Variants in RNF217 observed in about 807,000 individuals in gnomAD.
The protein encoded by RNF217 is E3 ubiquitin-protein ligase RNF217.
Under a neutral mutation model 57.8 loss-of-function variants are expected in RNF217, and 31 were observed. That is an observed-to-expected ratio of 0.54 (90% CI 0.40 to 0.72). RNF217 has a LOEUF of 0.72. Among genes scored for constraint, RNF217 ranks in the 30% least tolerant of loss-of-function variants. RNF217 has a pLI of 0.00. For synonymous variants in RNF217, 313 were observed against 294.0 expected (o/e 1.06, Z -0.66); for missense variants, 696 against 708.3 (o/e 0.98, Z 0.20).
chr6:125,074,532 C>T (rs1401198839), intron 3 of RNF217, among the ~76,000 whole-genome samples: 1 of 152,114 alleles, frequency 6.6e-6, no homozygotes, highest in African/African-American at 2.4e-5. Flanking sequence ...AAATACTGCA[C>T]ATAATTTGGA....
In RNF217 at chr6:125,085,194, A is replaced by G. The variant is rs901004663; in HGVS notation, c.*2257A>G. 5.9e-5 allele frequency: 9 copies of G among 151,910 alleles called. No homozygotes were observed. Among genetic ancestry groups the G allele is most frequent in the African/African-American group, 1.9e-4 (8 of 41,430 alleles). The allele number at this position is 151,910 out of a possible 1,614,324, so 9.4% of individuals were successfully genotyped here. A position where few individuals can be genotyped will look rare whatever the true frequency, so the allele number is the denominator to read the frequency against. On this transcript the variant is annotated 3_prime_UTR_variant, in exon 6 of 6. Transcript: ENST00000521654. ...TACTCAGGGATTTTTATTTCTTTAAATAACTTATCTTTTGGACATATTTTT... is the reference window on the plus strand; with the variant it reads ...TACTCAGGGATTTTTATTTCTTTAAGTAACTTATCTTTTGGACATATTTTT...
chr6:125,049,340 C>T (rs1049261505), intron 2 of RNF217, among the ~76,000 whole-genome samples: 2 of 152,022 alleles, frequency 1.3e-5, no homozygotes, highest in Non-Finnish European at 2.9e-5. Flanking sequence ...TAACTGGTCT[C>T]TGGGAGTCCA....
At chr6:125,048,210 G>A (rs948970734) in intron 2 of RNF217, 1 of 1,355,582 alleles carries the variant, frequency 7.4e-7, no homozygotes. Flanking sequence ...CATGGCCACA[G>A]TATGGCACCC....
chr6:125,007,791 G>A (rs1354151714), intron 1 of RNF217, among the ~76,000 whole-genome samples: 1 of 152,028 alleles, frequency 6.6e-6, no homozygotes, highest in African/African-American at 2.4e-5. Context: ...TATGTAGGGG[G>A]CATACATTCC....
At position 125,042,803 on chromosome 6, in the gene RNF217, T is replaced by G. The variant is rs546367376; in HGVS notation, c.883-2408T>G. ...GGCCTTTCCTGAGTGGCTGTGAAAT[T>G]GCTGCTTCCATTGCTATCATTTACA... On this transcript the variant is annotated intron_variant, in intron 1 of 5. Transcript: ENST00000521654. Among the ~76,000 whole-genome samples the G allele has an allele frequency of 2.6e-5, 4 of 152,114 alleles. No homozygotes were observed. In the East Asian group the frequency reaches 5.8e-4, roughly 22 times the overall value.
At chr6:125,000,940 A>G (rs1017101176) in intron 1 of RNF217, among the ~76,000 whole-genome samples, 1 of 152,130 alleles carries the variant, frequency 6.6e-6, no homozygotes, top group Non-Finnish European at 1.5e-5. Flanking sequence ...AAAAGTATGG[A>G]AGTATGATGT....
At position 124,985,099 on chromosome 6, in the gene RNF217, A is replaced by G. The variant is rs1250691794; in HGVS notation, c.882+21673A>G. Among the ~76,000 whole-genome samples, 3 of 152,214 alleles carry G rather than the reference A, an allele frequency of 2.0e-5. No homozygotes were observed. In the East Asian group the frequency reaches 5.8e-4, roughly 29 times the overall value. ...GATCCATACTAATAGGATAATTTAA[A>G]TCAGCAAAACCAGATAGTGTCTCAC... On this transcript the variant is annotated intron_variant, in intron 1 of 5. Coordinates refer to ENST00000521654, the MANE Select transcript of RNF217 (RefSeq NM_001286398.3).
At chr6:125,067,786 C>A (rs1787990030) in intron 3 of RNF217, among the ~76,000 whole-genome samples, 1 of 152,006 alleles carries the variant, frequency 6.6e-6, no homozygotes, top group African/African-American at 2.4e-5. Context: ...AAAGATCTAC[C>A]TTTGTTGGAA....
intron 1 of RNF217, among the ~76,000 whole-genome samples, chr6:125,037,244 T>C (rs1345454626): frequency 1.3e-5 from 2 of 152,186 alleles, no homozygotes; most frequent in Non-Finnish European, 2.9e-5. Context: ...GAAAAAGTTT[T>C]ACAACTTTAT....
At chr6:125,025,295 A>T (rs1191935509) in intron 1 of RNF217, among the ~76,000 whole-genome samples, 2 of 152,204 alleles carry the variant, frequency 1.3e-5, no homozygotes, top group African/African-American at 4.8e-5. Flanking sequence ...ACATTAAATA[A>T]TCTTTCATTT....
intron 1 of RNF217, among the ~76,000 whole-genome samples, chr6:125,008,064 G>A (rs566424095): frequency 5.9e-5 from 9 of 152,056 alleles, no homozygotes; most frequent in East Asian, 5.8e-4. Context: ...AGACCATCCC[G>A]GCTGACATGG....
At chr6:125,001,784 A>C (rs1030233464) in intron 1 of RNF217, among the ~76,000 whole-genome samples, 3 of 152,184 alleles carry the variant, frequency 2.0e-5, no homozygotes, top group Non-Finnish European at 4.4e-5. Context: ...ATTTGTGCTG[A>C]GAGAGGGAAA....
chr6:125,005,786 G>A (rs1431467036), intron 1 of RNF217, among the ~76,000 whole-genome samples: 1 of 152,074 alleles, frequency 6.6e-6, no homozygotes, highest in East Asian at 1.9e-4. Context: ...ATATAGACTT[G>A]TTTAATTAAA....
At chr6:125,024,351 G>A (rs577658891) in intron 1 of RNF217, among the ~76,000 whole-genome samples, 82 of 152,296 alleles carry the variant, frequency 5.4e-4, no homozygotes, top group African/African-American at 1.9e-3. Flanking sequence ...GGGAGGCTGA[G>A]GCAGGCGGAT....
chr6:125,081,369 C>A (rs1788566170), intron 4 of RNF217, 67 bp from the exon 5 acceptor site: 6 of 1,165,066 alleles, frequency 5.1e-6, no homozygotes, highest in Non-Finnish European at 7.6e-6. Context: ...ATTTAAAAAG[C>A]ATCACTGTAA....
chr6:124,963,434 C>T lies in RNF217; in HGVS notation c.882+8C>T, dbSNP rs1783387562. On this transcript the variant is annotated splice_region_variant and intron_variant, in intron 1 of 5. Coordinates refer to ENST00000521654, the MANE Select transcript of RNF217 (RefSeq NM_001286398.3). The stretch of plus-strand genomic sequence containing the variant: ...GTCTACCTGAGCGCCCAGGTAACTT[C>T]ACCCCCTTCTCTTCCCCATTTATCA... The T allele has an allele frequency of 6.9e-6, 10 of 1,451,998 alleles. No homozygotes were observed. The highest frequency in any genetic ancestry group is 9.0e-6 in the Non-Finnish European group (10 of 1,106,388). 89.9% of individuals were successfully genotyped at this position (1,451,998 alleles called of 1,614,324 possible).
intron 1 of RNF217, among the ~76,000 whole-genome samples, chr6:124,990,031 A>G (rs1380691804): frequency 2.0e-5 from 3 of 152,042 alleles, no homozygotes; most frequent in Non-Finnish European, 2.9e-5. Context: ...TCTTGAACCC[A>G]TTTCAATCAA....
Position 125,090,696 on chromosome 6 carries a change from T to C in RNF217, c.*7759T>C, listed in dbSNP as rs1401612550. 1 of 151,876 alleles carries C rather than the reference T, an allele frequency of 6.6e-6. No homozygotes were observed. The highest frequency in any genetic ancestry group is 6.6e-5 in the Admixed American group (1 of 15,250). 9.4% of individuals were successfully genotyped at this position (151,876 alleles called of 1,614,324 possible). A position where few individuals can be genotyped will look rare whatever the true frequency, so the allele number is the denominator to read the frequency against. On this transcript the variant is annotated 3_prime_UTR_variant, in exon 6 of 6. Transcript: ENST00000521654. The stretch of plus-strand genomic sequence containing the variant: ...GTCCATCATTTCATTAGATTGCATA[T>C]TTTTAGTTTTCTATAAAATTTGCAG...
At chr6:124,996,587 T>G (rs1784760459) in intron 1 of RNF217, 1 of 152,168 alleles carries the variant, frequency 6.6e-6, no homozygotes, top group African/African-American at 2.4e-5. Flanking sequence ...CTGTTGACAT[T>G]GGCTCTTGAA....
Sources: gnomAD v4.1 joint callset for allele counts (sites outside exome capture counted in the v4.1 genomes callset) on GRCh38, gnomAD v4.1.1 for gene constraint, MANE v1.5 for transcripts, NCBI Gene and HGNC (gene_info 2026-07-23, HGNC 2026-07-21) for gene names.